The following PTPRD variants were observed in gnomAD, a reference collection of about 807,000 sequenced individuals.
The protein encoded by PTPRD is receptor-type tyrosine-protein phosphatase delta.
Under a neutral mutation model 214.5 loss-of-function variants are expected in PTPRD, and 34 were observed. That is an observed-to-expected ratio of 0.16 (90% CI 0.12 to 0.21). PTPRD has a LOEUF of 0.21. Among genes scored for constraint, PTPRD ranks in the 10% least tolerant of loss-of-function variants. The pLI is 1.00. For missense variants in PTPRD, 2,545 were observed against 2,398.7 expected, an observed-to-expected ratio of 1.06 and a Z score of -1.27; for synonymous variants, 1,128 against 845.7, an observed-to-expected ratio of 1.33 and a Z score of -5.79.
intron 2 of PTPRD, among the ~76,000 whole-genome samples, chr9:10,388,355 C>G (rs1474217595): frequency 6.6e-6 from 1 of 151,436 alleles, no homozygotes; most frequent in African/African-American, 2.4e-5. Context: ...TGCTTCCTGA[C>G]TAGGGAATAC....
chr9:9,135,211 T>C (rs1382648672), intron 10 of PTPRD, among the ~76,000 whole-genome samples: 1 of 152,216 alleles, frequency 6.6e-6, no homozygotes, highest in Non-Finnish European at 1.5e-5. Context: ...TCCACTCTGA[T>C]TGTATGCTTT....
chr9:10,351,203 G>A (rs1480486288), intron 2 of PTPRD, among the ~76,000 whole-genome samples: 1 of 152,070 alleles, frequency 6.6e-6, no homozygotes, highest in African/African-American at 2.4e-5. Context: ...AAACTCAGTT[G>A]TAAATTTTTT....
At chr9:10,239,320 T>C (rs2099639300) in intron 3 of PTPRD, among the ~76,000 whole-genome samples, 5 of 151,732 alleles carry the variant, frequency 3.3e-5, no homozygotes, top group Admixed American at 3.3e-4. Context: ...TAAATCTGTA[T>C]TTATAGCTGA....
At chr9:9,612,280 C>T (rs1424859278) in intron 7 of PTPRD, among the ~76,000 whole-genome samples, 3 of 152,090 alleles carry the variant, frequency 2.0e-5, no homozygotes, top group Non-Finnish European at 2.9e-5. Context: ...ACTGAGTTCT[C>T]AGATGCGAAT....
chr9:8,404,437 T>C, intron 36 of PTPRD, 100 bp downstream of exon 36: 1 of 1,446,026 alleles, frequency 6.9e-7, no homozygotes, highest in Non-Finnish European at 9.3e-7. Flanking sequence ...CCATCTTAAT[T>C]ACTTTCAGAG....
At chr9:8,768,261 G>A (rs1424774496) in intron 11 of PTPRD, among the ~76,000 whole-genome samples, 2 of 152,066 alleles carry the variant, frequency 1.3e-5, no homozygotes, top group Non-Finnish European at 2.9e-5. Flanking sequence ...AAATAACACT[G>A]GGTATAATGG....
intron 3 of PTPRD, among the ~76,000 whole-genome samples, chr9:10,130,071 T>TGTTTACA (rs897077898): frequency 2.6e-5 from 4 of 152,054 alleles, no homozygotes; most frequent in South Asian, 2.1e-4. Context: ...TTGATAAGGA[T>TGTTTACA]GTTTACAGAC....
intron 2 of PTPRD, among the ~76,000 whole-genome samples, chr9:10,497,388 G>C (rs1029609912): frequency 7.3e-5 from 11 of 151,714 alleles, no homozygotes; most frequent in Non-Finnish European, 1.3e-4. Flanking sequence ...CATAAATCAA[G>C]GGCATGCCTG....
chr9:9,260,641 C>T (rs1032998669), intron 9 of PTPRD, among the ~76,000 whole-genome samples: 6 of 151,540 alleles, frequency 4.0e-5, no homozygotes, highest in Non-Finnish European at 5.9e-5. Context: ...CTTGGCTTGA[C>T]GGCATTGTAA....
At chr9:10,075,253 A>G (rs1408315986) in intron 3 of PTPRD, among the ~76,000 whole-genome samples, 4 of 152,080 alleles carry the variant, frequency 2.6e-5, no homozygotes, top group African/African-American at 9.7e-5. Context: ...CCGAAGGTGC[A>G]TAATTATTAT....
chr9:8,468,702 T>G (rs1049753286), intron 31 of PTPRD, among the ~76,000 whole-genome samples: 2 of 151,272 alleles, frequency 1.3e-5, no homozygotes, highest in African/African-American at 2.4e-5. Context: ...AAAAATTACT[T>G]GATCAAATAC....
intron 7 of PTPRD, among the ~76,000 whole-genome samples, chr9:9,704,836 G>A (rs983968355): frequency 1.3e-5 from 2 of 152,110 alleles, no homozygotes; most frequent in South Asian, 4.1e-4. Flanking sequence ...GATTCCAAAC[G>A]AGTCATTTTC....
intron 9 of PTPRD, among the ~76,000 whole-genome samples, chr9:9,326,256 T>G (rs555666156): frequency 6.6e-6 from 1 of 152,184 alleles, no homozygotes; most frequent in Admixed American, 6.6e-5. Context: ...AAATATCTCT[T>G]TGATGACAAT....
chr9:9,170,955 G>T (rs1320557000), intron 10 of PTPRD, among the ~76,000 whole-genome samples: 1 of 152,130 alleles, frequency 6.6e-6, no homozygotes. Flanking sequence ...GCTTTCAAAC[G>T]AAGTGAAACT....
intron 8 of PTPRD, among the ~76,000 whole-genome samples, chr9:9,490,889 T>C (rs941527117): frequency 8.8e-6 from 1 of 114,020 alleles, no homozygotes; most frequent in Non-Finnish European, 1.7e-5. Context: ...TTAATATAAA[T>C]ATAAATGAAC....
At chr9:9,721,282 C>G (rs1271081555) in intron 7 of PTPRD, among the ~76,000 whole-genome samples, 4 of 152,148 alleles carry the variant, frequency 2.6e-5, no homozygotes, top group Non-Finnish European at 1.5e-5. Context: ...TTCATTCCCA[C>G]CAAATATATT....
intron 2 of PTPRD, among the ~76,000 whole-genome samples, chr9:10,561,319 T>A (rs2063912072): frequency 6.6e-6 from 1 of 152,154 alleles, no homozygotes; most frequent in South Asian, 2.1e-4. Context: ...CAAGTATATT[T>A]AAGATATGGT....
intron 3 of PTPRD, among the ~76,000 whole-genome samples, chr9:10,264,866 G>A (rs944666855): frequency 1.6e-4 from 25 of 152,268 alleles, no homozygotes; most frequent in Admixed American, 9.8e-4. Context: ...CCCAGGGGGA[G>A]ATAATTGAAT....
At chr9:10,250,863 TA>T (rs1446554353) in intron 3 of PTPRD, among the ~76,000 whole-genome samples, 1 of 151,874 alleles carries the variant, frequency 6.6e-6, no homozygotes, top group East Asian at 1.9e-4. Context: ...TAAATAGGTA[TA>T]AATATATATA....
Sources: gnomAD v4.1 joint callset for allele counts (sites outside exome capture counted in the v4.1 genomes callset) on GRCh38, gnomAD v4.1.1 for gene constraint, MANE v1.5 for transcripts, NCBI Gene and HGNC (gene_info 2026-07-23, HGNC 2026-07-21) for gene names.